Variants in PLEKHA6 observed in about 807,000 individuals in gnomAD.
PLEKHA6 encodes pleckstrin homology domain-containing family A member 6.
Under a neutral mutation model 116.7 loss-of-function variants are expected in PLEKHA6, and 60 were observed. That is an observed-to-expected ratio of 0.51 (90% CI 0.42 to 0.64). The LOEUF (loss-of-function observed/expected upper bound fraction) is 0.64. Ranked by LOEUF, PLEKHA6 falls within the 30% of genes least tolerant of loss-of-function variation. The probability of loss-of-function intolerance (pLI) is 0.00; values close to 1 mark genes in which losing one functional copy is unlikely to be tolerated. For missense variants in PLEKHA6, 1,338 were observed against 1,422.7 expected (o/e 0.94, Z 0.96); for synonymous variants, 489 against 556.1 (o/e 0.88, Z 1.70).
intron 1 of PLEKHA6, among the ~76,000 whole-genome samples, chr1:204,344,220 C>T (rs890014488): frequency 6.6e-6 from 1 of 152,224 alleles, no homozygotes; most frequent in Non-Finnish European, 1.5e-5. Context: ...ACACCTCGCT[C>T]TTCCCTGACC....
intron 1 of PLEKHA6, among the ~76,000 whole-genome samples, chr1:204,321,162 C>T (rs1286957453): frequency 6.6e-6 from 1 of 152,046 alleles, no homozygotes; most frequent in African/African-American, 2.4e-5. Context: ...CAGGACTGTC[C>T]ACTACATAAA....
At chr1:204,282,456 A>T (rs1668726448) in intron 1 of PLEKHA6, among the ~76,000 whole-genome samples, 1 of 151,930 alleles carries the variant, frequency 6.6e-6, no homozygotes, top group Non-Finnish European at 1.5e-5. Context: ...TGCTCCCCCA[A>T]GTCCCTCGAG....
Position 204,259,801 on chromosome 1 carries a change from G to T in PLEKHA6, c.525-61C>A. ...TAGCCCAGCATGGAGTGGGGCAGGG[G>T]GTGCCAGACTGGGAAGAAGAGGAGT... On this transcript the variant is annotated intron_variant, in intron 7 of 22. Coordinates refer to ENST00000272203, the MANE Select transcript of PLEKHA6 (RefSeq NM_014935.5). The surrounding 1 kb of genome is among the most constrained non-coding windows in gnomAD (Gnocchi z 4.6). The T allele has an allele frequency of 6.6e-7, 1 of 1,518,262 alleles. No individual in the cohort carries two copies. The allele number at this position is 1,518,262 out of a possible 1,614,324, so 94.0% of individuals were successfully genotyped here.
At chr1:204,264,830 C>A in intron 6 of PLEKHA6, 112 bp downstream of exon 6, 1 of 821,228 alleles carries the variant, frequency 1.2e-6, no homozygotes, top group South Asian at 1.4e-5. Context: ...CTATGGCCAC[C>A]ACCACCTGGG....
chr1:204,280,757 C>A (rs1260576557), intron 1 of PLEKHA6, among the ~76,000 whole-genome samples: 1 of 152,176 alleles, frequency 6.6e-6, no homozygotes, highest in Non-Finnish European at 1.5e-5. Flanking sequence ...GCCTCCCCAT[C>A]TGGATCTCAT....
chr1:204,293,897 T>C (rs1670015090), intron 1 of PLEKHA6, among the ~76,000 whole-genome samples: 1 of 152,218 alleles, frequency 6.6e-6, no homozygotes, highest in Non-Finnish European at 1.5e-5. Flanking sequence ...CTTTCCAGAC[T>C]GAGAGGAAAG....
At chr1:204,308,832 G>A (rs933954331) in intron 1 of PLEKHA6, among the ~76,000 whole-genome samples, 1 of 151,562 alleles carries the variant, frequency 6.6e-6, no homozygotes, top group Non-Finnish European at 1.5e-5. Flanking sequence ...GGGACTACAG[G>A]CACCCACCAT....
intron 1 of PLEKHA6, among the ~76,000 whole-genome samples, chr1:204,346,071 C>T (rs543900740): frequency 6.6e-6 from 1 of 152,202 alleles, no homozygotes. Flanking sequence ...TCAGAGAAGG[C>T]CTGTTCTGCA....
At chr1:204,245,089 G>A (rs1028432298) in intron 14 of PLEKHA6, 86 bp from the exon 15 acceptor site, 16 of 926,432 alleles carry the variant, frequency 1.7e-5, no homozygotes, top group Middle Eastern at 3.5e-4. Flanking sequence ...AGGTGGCAGG[G>A]AGAAGCCAGA....
intron 1 of PLEKHA6, among the ~76,000 whole-genome samples, chr1:204,332,444 C>T (rs188588965): frequency 8.5e-5 from 13 of 152,314 alleles, no homozygotes; most frequent in Admixed American, 3.9e-4. Context: ...CGATCCATCT[C>T]GGCTCACTGC....
At chr1:204,278,416 G>T (rs1265529217) in intron 1 of PLEKHA6, among the ~76,000 whole-genome samples, 1 of 152,164 alleles carries the variant, frequency 6.6e-6, no homozygotes, top group Non-Finnish European at 1.5e-5. Flanking sequence ...GACCAACGTG[G>T]TTCTTTTTAG....
At chr1:204,377,870 C>A (rs1673900022), upstream of PLEKHA6, 1 of 144,698 alleles carries the variant, frequency 6.9e-6, no homozygotes, top group South Asian at 2.2e-4. Flanking sequence ...TCAAGCCGGG[C>A]GGCAGGGAGC....
intron 1 of PLEKHA6, among the ~76,000 whole-genome samples, chr1:204,313,048 GTCCC>G (rs1481612318): frequency 1.0e-5 from 1 of 96,518 alleles, no homozygotes; most frequent in African/African-American, 4.1e-5. Context: ...CCCTCCCTCT[GTCCC>G]TCCCTCCCTC....
intron 1 of PLEKHA6, chr1:204,313,593 T>C: frequency 3.0e-6 from 3 of 985,248 alleles, no homozygotes; most frequent in Non-Finnish European, 3.6e-6. Context: ...GGGAGAAAAT[T>C]CTCTTGTTGG....
In PLEKHA6 at chr1:204,244,865, T is replaced by A; in HGVS notation, c.2171A>T (p.Glu724Val). ...CTTCTACTCCATTTCTCAACTTACC[T>A]CGTTGGAGCCAGGCTTGGTGGGGGA... ...QGSPTKPGSN[E>V]PKANYEQSKK... Residue 724 changes from glutamate (E) to valine (V), a missense_variant and splice_region_variant, in exon 15 of 23, where the codon GAG (glutamate) becomes GTG (valine). Around this residue, in one of 3 missense-constraint regions of PLEKHA6, gnomAD observed 1,136 missense variants for 1,163.6 expected, o/e 0.98. Transcript: ENST00000272203. 1 of 1,565,754 alleles carries A rather than the reference T, an allele frequency of 6.4e-7. No individual in the cohort carries two copies. Among genetic ancestry groups the A allele is most frequent in the Non-Finnish European group, 8.7e-7 (1 of 1,154,408 alleles).
At chr1:204,231,480 A>C (rs1661171739) in intron 17 of PLEKHA6, among the ~76,000 whole-genome samples, 1 of 152,110 alleles carries the variant, frequency 6.6e-6, no homozygotes, top group South Asian at 2.1e-4. Flanking sequence ...TATACTTTAA[A>C]TCACCTTTAG....
intron 1 of PLEKHA6, among the ~76,000 whole-genome samples, chr1:204,289,586 A>T (rs1380180791): frequency 6.6e-6 from 1 of 152,134 alleles, no homozygotes; most frequent in African/African-American, 2.4e-5. Context: ...CTGCATTCCC[A>T]CTTGCTCCAT....
intron 1 of PLEKHA6, among the ~76,000 whole-genome samples, chr1:204,334,809 G>A (rs1003924616): frequency 6.6e-6 from 1 of 152,092 alleles, no homozygotes; most frequent in African/African-American, 2.4e-5. Flanking sequence ...TAAGGCACAA[G>A]AATAGCTTGA....
chr1:204,221,975 A>G lies in PLEKHA6; in HGVS notation c.*813T>C. ...TTTCCATCTCCCTCCTTCCTGCTTG[A>G]CTTGCCAATGTGTCCTGCTGCTTCC... On this transcript the variant is annotated 3_prime_UTR_variant, in exon 23 of 23. Transcript: ENST00000272203. 1 of 148,006 alleles carries G rather than the reference A, an allele frequency of 6.8e-6. No homozygotes were observed. Among genetic ancestry groups the G allele is most frequent in the Non-Finnish European group, 1.5e-5 (1 of 67,916 alleles). 9.2% of individuals were successfully genotyped at this position (148,006 alleles called of 1,614,324 possible).
Sources: gnomAD v4.1 joint callset for allele counts (sites outside exome capture counted in the v4.1 genomes callset) on GRCh38, gnomAD v4.1.1 for gene constraint, gnomAD v4.1.1 regional missense constraint, Gnocchi (gnomAD v3.1) non-coding constraint, MANE v1.5 for transcripts, NCBI Gene and HGNC (gene_info 2026-07-23, HGNC 2026-07-21) for gene names.